The following SLC35F4 variants were observed in gnomAD, a reference collection of about 807,000 sequenced individuals.
SLC35F4 encodes solute carrier family 35 member F4.
In SLC35F4, 24 loss-of-function variants were observed where a neutral mutation model predicts 44.2. The ratio of observed to expected loss-of-function variants is 0.54; its 90% CI spans 0.39 to 0.76. The LOEUF (loss-of-function observed/expected upper bound fraction) is 0.76. SLC35F4 is among the 30% of genes least tolerant of loss of function. The pLI is 0.00. For synonymous variants in SLC35F4, 238 were observed against 223.6 expected (o/e 1.06, Z -0.57); for missense variants, 562 against 586.1 (o/e 0.96, Z 0.42).
intron 1 of SLC35F4, among the ~76,000 whole-genome samples, chr14:57,941,198 A>T (rs1301714575): frequency 1.3e-5 from 2 of 152,234 alleles, no homozygotes; most frequent in Non-Finnish European, 2.9e-5. Context: ...TACACACACA[A>T]AAGAATTGAA....
At chr14:57,958,006 A>G (rs1890270963) in intron 1 of SLC35F4, among the ~76,000 whole-genome samples, 1 of 152,168 alleles carries the variant, frequency 6.6e-6, no homozygotes, top group Non-Finnish European at 1.5e-5. Flanking sequence ...TGACTATACT[A>G]TGCAGTCCTA....
intron 1 of SLC35F4, among the ~76,000 whole-genome samples, chr14:57,820,447 T>C (rs1380881401): frequency 2.0e-5 from 3 of 151,964 alleles, no homozygotes; most frequent in Admixed American, 1.3e-4. Context: ...ACAGACAGCA[T>C]GCCACAGCGG....
intron 1 of SLC35F4, among the ~76,000 whole-genome samples, chr14:57,700,342 G>C (rs4630465): frequency 0.63 from 95,907 of 151,920 alleles, 30,582 homozygotes; most frequent in African/African-American, 0.72. Context: ...GGGCACTTAC[G>C]ATGAAGGAAG....
chr14:57,907,605 G>A (rs1012650163), intron 1 of SLC35F4, among the ~76,000 whole-genome samples: 1 of 151,990 alleles, frequency 6.6e-6, no homozygotes, highest in African/African-American at 2.4e-5. Flanking sequence ...TTATTTGAGG[G>A]GCATAGGTTA....
intron 1 of SLC35F4, among the ~76,000 whole-genome samples, chr14:57,849,764 C>G (rs540595780): frequency 6.6e-6 from 1 of 152,242 alleles, no homozygotes; most frequent in Non-Finnish European, 1.5e-5. Flanking sequence ...TTCATTACAG[C>G]ATCAGCCATT....
At chr14:57,659,695 A>G (rs1306053408) in intron 1 of SLC35F4, among the ~76,000 whole-genome samples, 1 of 152,166 alleles carries the variant, frequency 6.6e-6, no homozygotes, top group African/African-American at 2.4e-5. Flanking sequence ...CTTCCTCTGT[A>G]AAGGATATAT....
At chr14:57,903,061 C>T (rs1889039304) in intron 1 of SLC35F4, among the ~76,000 whole-genome samples, 1 of 152,166 alleles carries the variant, frequency 6.6e-6, no homozygotes, top group Admixed American at 6.6e-5. Flanking sequence ...CAAAAGAAGG[C>T]AAGCTCCATG....
At chr14:57,631,499 G>T (rs2072771728) in intron 1 of SLC35F4, among the ~76,000 whole-genome samples, 2 of 152,080 alleles carry the variant, frequency 1.3e-5, no homozygotes, top group African/African-American at 4.8e-5. Context: ...TAGTGTAAAA[G>T]AACTGAAATT....
At chr14:57,650,193 T>C (rs1295518252) in intron 1 of SLC35F4, among the ~76,000 whole-genome samples, 2 of 152,138 alleles carry the variant, frequency 1.3e-5, no homozygotes, top group Non-Finnish European at 2.9e-5. Flanking sequence ...TTCGGGCCTA[T>C]GGATTTAATA....
At chr14:57,669,642 T>C (rs1303570066) in intron 1 of SLC35F4, among the ~76,000 whole-genome samples, 2 of 152,164 alleles carry the variant, frequency 1.3e-5, no homozygotes, top group African/African-American at 4.8e-5. Context: ...TTTATTGATT[T>C]GCATCTGTTG....
chr14:57,708,373 T>A (rs2075730641), intron 1 of SLC35F4, among the ~76,000 whole-genome samples: 1 of 152,196 alleles, frequency 6.6e-6, no homozygotes, highest in Admixed American at 6.5e-5. Flanking sequence ...GGGAGACTGA[T>A]TTGAGTAATA....
chr14:57,928,501 T>C (rs961778913), intron 1 of SLC35F4, among the ~76,000 whole-genome samples: 1 of 152,188 alleles, frequency 6.6e-6, no homozygotes, highest in Non-Finnish European at 1.5e-5. Context: ...GGGCATTAAC[T>C]GAGGCTGAGA....
chr14:57,632,817 A>G (rs76260096), intron 1 of SLC35F4, among the ~76,000 whole-genome samples: 9,873 of 152,042 alleles, frequency 0.065, 1,053 homozygotes, highest in African/African-American at 0.22. Flanking sequence ...AACGATATGT[A>G]TCCACCATTG....
intron 1 of SLC35F4, among the ~76,000 whole-genome samples, chr14:57,857,414 A>G (rs1448939954): frequency 9.9e-5 from 15 of 152,090 alleles, no homozygotes; most frequent in Non-Finnish European, 2.1e-4. Context: ...CATTCTTTAA[A>G]GTACATCTAT....
intron 1 of SLC35F4, among the ~76,000 whole-genome samples, chr14:57,661,306 C>T (rs966585930): frequency 6.6e-6 from 1 of 152,266 alleles, no homozygotes; most frequent in Non-Finnish European, 1.5e-5. Flanking sequence ...CCCAGAGGAG[C>T]CCTTTTATTG....
intron 1 of SLC35F4, among the ~76,000 whole-genome samples, chr14:57,830,257 C>G (rs533227331): frequency 6.6e-6 from 1 of 152,202 alleles, no homozygotes; most frequent in African/African-American, 2.4e-5. Context: ...ATTGATCAAT[C>G]TCTGTAATCC....
At chr14:57,770,440 G>C (rs1487086796) in intron 1 of SLC35F4, among the ~76,000 whole-genome samples, 2 of 152,166 alleles carry the variant, frequency 1.3e-5, no homozygotes, top group African/African-American at 4.8e-5. Context: ...CAGAAATACT[G>C]TATTTTCAGC....
At position 57,816,266 on chromosome 14, in the gene SLC35F4, C is replaced by A. The variant is rs193125314; in HGVS notation, c.103+49457G>T. ...TTGTTTTTCTTCTCATTAAACAGAG[C>A]CAAATGGCTACACTGCAGAGGAGGC... is the stretch of plus-strand genomic sequence containing the variant. On this transcript the variant is annotated intron_variant, in intron 1 of 7. Coordinates refer to ENST00000556826, the MANE Select transcript of SLC35F4 (RefSeq NM_001306087.2). 2.6e-5 allele frequency among the ~76,000 whole-genome samples: 4 copies of A among 152,206 alleles called. No homozygotes were observed. In the East Asian group the frequency reaches 7.7e-4, roughly 29 times the overall value.
chr14:57,695,734 C>G (rs891906555), intron 1 of SLC35F4, among the ~76,000 whole-genome samples: 2 of 152,138 alleles, frequency 1.3e-5, no homozygotes, highest in Admixed American at 1.3e-4. Flanking sequence ...ATGTTTATAA[C>G]AGCACTACTC....
Sources: gnomAD v4.1 joint callset for allele counts (sites outside exome capture counted in the v4.1 genomes callset) on GRCh38, gnomAD v4.1.1 for gene constraint, MANE v1.5 for transcripts, NCBI Gene and HGNC (gene_info 2026-07-23, HGNC 2026-07-21) for gene names.